The following EFCAB3 variants were observed in gnomAD, a reference collection of about 807,000 sequenced individuals.
EFCAB3 encodes EF-hand calcium binding domain 3, also known as EF-hand calcium-binding domain-containing protein 3.
A neutral mutation model predicts 42.2 loss-of-function variants in EFCAB3; 36 were observed. The ratio of observed to expected loss-of-function variants is 0.85; its 90% CI spans 0.65 to 1.13. The LOEUF is 1.13. Ranked by LOEUF, EFCAB3 falls within the 50% of genes most tolerant of loss-of-function variation. The probability of loss-of-function intolerance (pLI) is 0.00; values close to 1 mark genes in which losing one functional copy is unlikely to be tolerated. For missense variants in EFCAB3, 418 were observed against 505.1 expected (o/e 0.83, Z 1.65); for synonymous variants, 170 against 172.8 (o/e 0.98, Z 0.13).
At chr17:62,398,295 A>C (rs1280866467) in intron 6 of EFCAB3, among the ~76,000 whole-genome samples, 2 of 152,010 alleles carry the variant, frequency 1.3e-5, no homozygotes, top group Non-Finnish European at 2.9e-5. Flanking sequence ...GTCTACTAAA[A>C]ATTTAAACAT....
intron 2 of EFCAB3, chr17:62,373,913 A>G (rs1057091433): frequency 2.8e-5 from 28 of 992,262 alleles, no homozygotes; most frequent in Non-Finnish European, 3.6e-5. Flanking sequence ...ATCTGATGCT[A>G]TATGTGTATT....
rs748040526 is a variant in EFCAB3 at position 62,406,475 on chromosome 17, T to TA, written c.489-2dup. ...TCCATTTCTGAATTACTTTTTTTTTTAAAGCTATTTCCAAAGAAAATTCCA... is the reference window on the plus strand; with the variant it reads ...TCCATTTCTGAATTACTTTTTTTTTTAAAAGCTATTTCCAAAGAAAATTCCA... On this transcript the variant is annotated splice_polypyrimidine_tract_variant and splice_region_variant and intron_variant, in intron 6 of 9. Transcript: ENST00000305286. 1.3e-6 allele frequency: 2 copies of TA among 1,563,266 alleles called. No individual in the cohort carries two copies. The highest frequency in any genetic ancestry group is 2.8e-5 in the African/African-American group (2 of 72,640).
At chr17:62,404,920 G>T (rs1444755249) in intron 6 of EFCAB3, among the ~76,000 whole-genome samples, 2 of 152,210 alleles carry the variant, frequency 1.3e-5, no homozygotes, top group Admixed American at 1.3e-4. Flanking sequence ...GTTAAGCAAA[G>T]ATTAGAATTT....
At chr17:62,373,916 T>A in intron 2 of EFCAB3, 2 of 966,430 alleles carry the variant, frequency 2.1e-6, no homozygotes, top group Non-Finnish European at 3.1e-6. Flanking sequence ...TGATGCTATA[T>A]GTGTATTTTT....
chr17:62,387,482 T>C lies in EFCAB3; in HGVS notation c.151+66T>C, dbSNP rs1271594841. 1.2e-5 allele frequency: 14 copies of C among 1,192,074 alleles called. No individual in the cohort carries two copies. The East Asian group carries it at 3.6e-4, about 31-fold the overall frequency. The allele number at this position is 1,192,074 out of a possible 1,614,324, so 73.8% of individuals were successfully genotyped here. A position where few individuals can be genotyped will look rare whatever the true frequency, so the allele number is the denominator to read the frequency against. ...TTAATATGTCTGATCCTTTCTTCTC[T>C]AAGAAAGATCTGAGATTTCAAGGGT... On this transcript the variant is annotated intron_variant, in intron 3 of 9. Transcript: ENST00000305286.
chr17:62,395,650 A>G (rs1211431773), intron 6 of EFCAB3, among the ~76,000 whole-genome samples: 2 of 152,240 alleles, frequency 1.3e-5, no homozygotes, highest in Non-Finnish European at 1.5e-5. Context: ...GGACTAGAGC[A>G]GAGCCAGAAT....
chr17:62,400,222 C>CT (rs34202643), intron 6 of EFCAB3, among the ~76,000 whole-genome samples: 139,768 of 151,912 alleles, frequency 0.92, 65,432 homozygotes, highest in East Asian at 1. Context: ...ACACATACTT[C>CT]TTTTTTTTCT....
chr17:62,375,177 A>T (rs2070140681), intron 2 of EFCAB3, among the ~76,000 whole-genome samples: 1 of 152,216 alleles, frequency 6.6e-6, no homozygotes, highest in East Asian at 1.9e-4. Flanking sequence ...GTATCCACAA[A>T]ATGAATTTTA....
intron 5 of EFCAB3, among the ~76,000 whole-genome samples, chr17:62,394,041 G>T (rs1334519350): frequency 6.6e-6 from 1 of 151,134 alleles, no homozygotes; most frequent in African/African-American, 2.4e-5. Context: ...TGCAAGCTCC[G>T]CCCCCCAGGT....
intron 2 of EFCAB3, among the ~76,000 whole-genome samples, chr17:62,386,399 C>A (rs1213206557): frequency 6.6e-6 from 1 of 151,988 alleles, no homozygotes; most frequent in Admixed American, 6.6e-5. Context: ...TTATTTCACT[C>A]TCTTATACAC....
At chr17:62,377,495 C>G (rs1049925891), upstream of EFCAB3, among the ~76,000 whole-genome samples, 6 of 152,166 alleles carry the variant, frequency 3.9e-5, no homozygotes, top group African/African-American at 1.4e-4. Context: ...GGTTGTTGTT[C>G]TGGCCATAGA....
chr17:62,389,920 G>C (rs1230235290), intron 3 of EFCAB3, among the ~76,000 whole-genome samples: 2 of 151,968 alleles, frequency 1.3e-5, no homozygotes, highest in African/African-American at 4.8e-5. Context: ...TTGAGTAGCT[G>C]GGACTACAGG....
At position 62,375,201 on chromosome 17, in the gene EFCAB3, T is replaced by C. The variant is rs541175008; in HGVS notation, c.88+1334T>C. On this transcript the variant is annotated intron_variant, in intron 2 of 11. Coordinates refer to the EFCAB3 transcript ENST00000450662. ...AAATGAATTTTAATAGAAAATAAAT[T>C]TAAATTCTGGGTACCCATGCCTAAT... is the stretch of plus-strand genomic sequence containing the variant. Among the ~76,000 whole-genome samples the C allele has an allele frequency of 4.6e-3, 697 of 152,304 alleles. 6 individuals are homozygous for C. The highest frequency in any genetic ancestry group is 0.017 in the Middle Eastern group (5 of 294).
intron 9 of EFCAB3, among the ~76,000 whole-genome samples, chr17:62,415,273 T>C (rs2070536548): frequency 6.6e-6 from 1 of 152,312 alleles, no homozygotes. Context: ...ACCATGGCAC[T>C]GTACTGCTTA....
exon 1 of EFCAB3, chr17:62,370,219 G>T: frequency 6.8e-7 from 1 of 1,464,958 alleles, no homozygotes; most frequent in South Asian, 1.2e-5. Context: ...CCTTTCTAAG[G>T]AGAGGTGATT....
intron 6 of EFCAB3, among the ~76,000 whole-genome samples, chr17:62,399,673 C>CACTCA (rs1321014448): frequency 6.6e-6 from 1 of 152,044 alleles, no homozygotes; most frequent in African/African-American, 2.4e-5. Flanking sequence ...GACCATGACT[C>CACTCA]ACTCAACTCA....
At chr17:62,415,941 G>A in intron 9 of EFCAB3, 62 bp from the exon 10 acceptor site, 1 of 1,325,566 alleles carries the variant, frequency 7.5e-7, no homozygotes, top group Non-Finnish European at 1.0e-6. Context: ...ATCTATCATT[G>A]TGGTCCACAA....
At chr17:62,401,573 A>C (rs1404674990) in intron 6 of EFCAB3, among the ~76,000 whole-genome samples, 2 of 152,080 alleles carry the variant, frequency 1.3e-5, no homozygotes, top group African/African-American at 4.8e-5. Flanking sequence ...TGTTTTTGTC[A>C]GTTTTGTCAA....
At chr17:62,386,442 G>A (rs1159165117) in intron 2 of EFCAB3, among the ~76,000 whole-genome samples, 1 of 151,218 alleles carries the variant, frequency 6.6e-6, no homozygotes, top group Non-Finnish European at 1.5e-5. Flanking sequence ...ACAGTTTGAC[G>A]ATTGTAAAAT....
Sources: allele counts gnomAD v4.1 joint callset (sites outside exome capture counted in the v4.1 genomes callset), GRCh38; gene constraint gnomAD v4.1.1; transcripts MANE v1.5; gene names NCBI Gene and HGNC (gene_info 2026-07-23, HGNC 2026-07-21).